DNAI1: variants seen among roughly 807,000 people sequenced by gnomAD.
The protein encoded by DNAI1 is dynein axonemal intermediate chain 1.
In DNAI1, 67 loss-of-function variants were observed where a neutral mutation model predicts 92.0. That is an observed-to-expected ratio of 0.73 (90% confidence interval 0.60 to 0.89). The LOEUF is 0.89. Among genes scored for constraint, DNAI1 ranks in the 40% least tolerant of loss-of-function variants. The pLI, the probability that DNAI1 is intolerant of heterozygous loss-of-function variation, is 0.00. For missense variants in DNAI1, 839 were observed against 866.6 expected (o/e 0.97, Z 0.40); for synonymous variants, 323 against 319.6 (o/e 1.01, Z -0.11).
At chr9:34,475,471 A>T (rs145392368) in intron 1 of DNAI1, among the ~76,000 whole-genome samples, 1 of 152,300 alleles carries the variant, frequency 6.6e-6, no homozygotes, top group East Asian at 1.9e-4. Context: ...TAGAAGGCAA[A>T]GGGCCACACA....
At chr9:34,485,408 A>G (rs1359560045) in intron 3 of DNAI1, 29 bp from the exon 4 acceptor site, 3 of 1,613,096 alleles carry the variant, frequency 1.9e-6, no homozygotes, top group Non-Finnish European at 2.5e-6. Context: ...GTCTTCATGT[A>G]TGACCCTCTT....
chr9:34,466,757 CCTCT>C (rs1470279766), intron 1 of DNAI1, among the ~76,000 whole-genome samples: 3 of 152,124 alleles, frequency 2.0e-5, no homozygotes, highest in African/African-American at 7.2e-5. Context: ...TCTCTCACAG[CCTCT>C]CTATTTCTCT....
intron 1 of DNAI1, among the ~76,000 whole-genome samples, chr9:34,470,803 A>G (rs1824121983): frequency 6.6e-6 from 1 of 152,242 alleles, no homozygotes; most frequent in Admixed American, 6.5e-5. Context: ...AATTTTCACA[A>G]GGATGAGCCA....
Position 34,497,157 on chromosome 9 carries a change from G to T in DNAI1, c.859G>T (p.Glu287Ter), listed in dbSNP as rs1290572246. The stretch of plus-strand genomic sequence containing the variant: ...ATTGTCCCAAGCTGCTAAGATCATG[G>T]AGCGGATGGTCAACCAGAATACATA... The part of the protein sequence containing the change: ...IKLSQAAKIM[E>*]RMVNQNTYDD... The change falls in exon 10 of 20, where the codon GAG (glutamate) becomes TAG (stop). Residue 287 changes from glutamate (E) to a stop codon, truncating the protein, a stop_gained. Transcript: ENST00000242317. LOFTEE classifies it high-confidence loss of function. 3 of 1,614,050 alleles carry T rather than the reference G, an allele frequency of 1.9e-6. No individual in the cohort carries two copies. The highest frequency in any genetic ancestry group is 2.5e-6 in the Non-Finnish European group (3 of 1,180,028).
At chr9:34,483,526 G>GT (rs772676104) in intron 2 of DNAI1, 46 bp downstream of exon 2, 305 of 1,546,268 alleles carry the variant, frequency 2.0e-4, no homozygotes, top group Non-Finnish European at 2.0e-4. Context: ...TGCTAATAGT[G>GT]TTTTTTTTGT....
chr9:34,506,529 G>A, intron 12 of DNAI1, 98 bp from the exon 13 acceptor site: 1 of 1,538,992 alleles, frequency 6.5e-7, no homozygotes, highest in Non-Finnish European at 8.9e-7. Context: ...ATGCAGAGCA[G>A]GGCAGGGCTT....
intron 9 of DNAI1, among the ~76,000 whole-genome samples, chr9:34,494,998 G>C: frequency 6.6e-6 from 1 of 152,198 alleles, no homozygotes; most frequent in East Asian, 1.9e-4. Flanking sequence ...GTCTGATTAT[G>C]TGGGTAGAAA....
intron 1 of DNAI1, among the ~76,000 whole-genome samples, chr9:34,461,411 C>T (rs535512965): frequency 8.5e-5 from 13 of 152,370 alleles, no homozygotes; most frequent in Admixed American, 6.5e-4. Flanking sequence ...ATATAGGATA[C>T]TTTCTCTATC....
At chr9:34,513,548 T>C (rs1436625227) in intron 16 of DNAI1, among the ~76,000 whole-genome samples, 1 of 152,140 alleles carries the variant, frequency 6.6e-6, no homozygotes, top group Non-Finnish European at 1.5e-5. Context: ...AAGGCCAGAA[T>C]TATCTCTGAA....
At chr9:34,500,011 G>T (rs1056236870) in intron 10 of DNAI1, among the ~76,000 whole-genome samples, 2 of 152,194 alleles carry the variant, frequency 1.3e-5, no homozygotes, top group African/African-American at 4.8e-5. Flanking sequence ...GGTGATGGAT[G>T]TTGGGGCCTG....
chr9:34,510,833 A>T (rs939959808), intron 13 of DNAI1, among the ~76,000 whole-genome samples: 8 of 152,060 alleles, frequency 5.3e-5, no homozygotes, highest in Admixed American at 5.2e-4. Context: ...AAGCGGTCTC[A>T]ATATTAGGGC....
intron 10 of DNAI1, among the ~76,000 whole-genome samples, chr9:34,499,110 A>G (rs781142839): frequency 6.6e-6 from 1 of 152,226 alleles, no homozygotes; most frequent in Non-Finnish European, 1.5e-5. Flanking sequence ...AAGTGTAATC[A>G]TGAAGGAGAC....
At chr9:34,486,522 C>CA (rs914013559) in intron 4 of DNAI1, among the ~76,000 whole-genome samples, 1 of 151,504 alleles carries the variant, frequency 6.6e-6, no homozygotes, top group East Asian at 1.9e-4. Flanking sequence ...TCAAAAGATT[C>CA]AAAAAAAATG....
rs180838420 is a variant in DNAI1 at position 34,458,826 on chromosome 9, G to A, written c.-180G>A. On this transcript the variant is annotated 5_prime_UTR_variant, in exon 1 of 20. Coordinates refer to ENST00000242317, the MANE Select transcript of DNAI1 (RefSeq NM_012144.4). This position sits in a 1 kb window ranked among gnomAD's most constrained non-coding sequence, Gnocchi z 6.6. Reference sequence around the variant, plus strand: ...GGTCGGTTGCTGGGTAACCGCGTCAGGGAGTTGGATTCTATCCTGCAAGGG... The same window carrying A: ...GGTCGGTTGCTGGGTAACCGCGTCAAGGAGTTGGATTCTATCCTGCAAGGG... The A allele has an allele frequency of 6.1e-4, 412 of 671,388 alleles. 1 individual carries two copies. The African/African-American group carries it at 6.4e-3, about 10-fold the overall frequency. The allele number at this position is 671,388 out of a possible 1,614,324, so 41.6% of individuals were successfully genotyped here. A position where few individuals can be genotyped will look rare whatever the true frequency, so the allele number is the denominator to read the frequency against.
At chr9:34,512,936 G>A (rs112361871) in intron 15 of DNAI1, among the ~76,000 whole-genome samples, 176 bp from the exon 16 acceptor site, 1 of 152,216 alleles carries the variant, frequency 6.6e-6, no homozygotes, top group Non-Finnish European at 1.5e-5. Flanking sequence ...AGGCCAGAGG[G>A]CTGGTTTCTG....
At chr9:34,487,797 C>T (rs553107667) in intron 4 of DNAI1, 5 of 157,806 alleles carry the variant, frequency 3.2e-5, no homozygotes, top group African/African-American at 4.8e-5. Flanking sequence ...AATAGCCTCC[C>T]GTGACTGGTG....
intron 7 of DNAI1, 144 bp downstream of exon 7, chr9:34,490,632 G>C: frequency 8.1e-7 from 1 of 1,229,266 alleles, no homozygotes; most frequent in Non-Finnish European, 1.2e-6. Context: ...CCCAAGGAGA[G>C]CTGAGAGCAT....
At chr9:34,483,553 G>C in intron 2 of DNAI1, 73 bp downstream of exon 2, 1 of 1,440,852 alleles carries the variant, frequency 6.9e-7, no homozygotes, top group Non-Finnish European at 9.6e-7. Context: ...TATTATTTAT[G>C]TGTTTTTAGA....
rs185779533 is a variant in DNAI1 at position 34,520,591 on chromosome 9, G to C, written c.2002-67G>C. On this transcript the variant is annotated intron_variant, in intron 19 of 19. Coordinates refer to ENST00000242317, the MANE Select transcript of DNAI1 (RefSeq NM_012144.4). Reference sequence around the variant, plus strand: ...CAGCTGGACAGGCTGGGCAGAGGAGGTGGTGCTGGGACCCAGAGAGGGGGG... The same window carrying C: ...CAGCTGGACAGGCTGGGCAGAGGAGCTGGTGCTGGGACCCAGAGAGGGGGG... The C allele has an allele frequency of 3.2e-5, 46 of 1,422,332 alleles. 1 individual carries two copies. The East Asian group carries it at 1.1e-3, about 35-fold the overall frequency. The allele number at this position is 1,422,332 out of a possible 1,614,324, so 88.1% of individuals were successfully genotyped here. A position where few individuals can be genotyped will look rare whatever the true frequency, so the allele number is the denominator to read the frequency against.
Sources: allele counts gnomAD v4.1 joint callset (sites outside exome capture counted in the v4.1 genomes callset), GRCh38; gene constraint gnomAD v4.1.1; non-coding constraint Gnocchi (gnomAD v3.1); transcripts MANE v1.5; gene names NCBI Gene and HGNC (gene_info 2026-07-23, HGNC 2026-07-21).